The following PDE3A variants were observed in gnomAD, a reference collection of about 807,000 sequenced individuals.
PDE3A encodes phosphodiesterase 3A.
PDE3A carries 43 observed loss-of-function variants against 98.3 expected under a neutral mutation model. That is an observed-to-expected ratio of 0.44 (90% CI 0.34 to 0.56). The LOEUF is 0.56. Among genes scored for constraint, PDE3A ranks in the 20% least tolerant of loss-of-function variants. The pLI is 0.01. For synonymous variants in PDE3A, 663 were observed against 567.9 expected, an observed-to-expected ratio of 1.17 and a Z score of -2.38; for missense variants, 1,427 against 1,440.7, an observed-to-expected ratio of 0.99 and a Z score of 0.15.
At chr12:20,491,098 TTTCTA>T (rs1945817837) in intron 1 of PDE3A, among the ~76,000 whole-genome samples, 1 of 152,182 alleles carries the variant, frequency 6.6e-6, no homozygotes, top group South Asian at 2.1e-4. Flanking sequence ...CTTTAATACT[TTTCTA>T]TTCAAGAATT....
chr12:20,636,850 A>G (rs1000433335), intron 8 of PDE3A, among the ~76,000 whole-genome samples: 2 of 152,230 alleles, frequency 1.3e-5, no homozygotes, highest in African/African-American at 4.8e-5. Flanking sequence ...TGGAGTGTAT[A>G]TGGACCAGTG....
intron 2 of PDE3A, among the ~76,000 whole-genome samples, chr12:20,560,268 A>T (rs1942480355): frequency 6.6e-6 from 1 of 152,202 alleles, no homozygotes; most frequent in Non-Finnish European, 1.5e-5. Context: ...AAAACAGAAT[A>T]AAAGTCTGAT....
At chr12:20,604,207 AGAGGGGAGGG>A (rs1246461443) in intron 2 of PDE3A, among the ~76,000 whole-genome samples, 3 of 143,948 alleles carry the variant, frequency 2.1e-5, no homozygotes, top group Non-Finnish European at 3.0e-5. Context: ...AGAGGAGAGA[AGAGGGGAGGG>A]GAGGAGAGGG....
intron 1 of PDE3A, among the ~76,000 whole-genome samples, chr12:20,468,982 C>A (rs1344215185): frequency 6.6e-6 from 1 of 152,182 alleles, no homozygotes; most frequent in Non-Finnish European, 1.5e-5. Flanking sequence ...TATCTGAGCC[C>A]TCACAATTCC....
intron 6 of PDE3A, 62 bp from the exon 7 acceptor site, chr12:20,633,631 T>C (rs909838592): frequency 2.0e-5 from 16 of 786,220 alleles, no homozygotes; most frequent in Non-Finnish European, 4.2e-6. Context: ...ACATAGATGG[T>C]ATGTGCCTAT....
At chr12:20,647,580 G>A (rs1453799714) in intron 12 of PDE3A, among the ~76,000 whole-genome samples, 4 of 152,020 alleles carry the variant, frequency 2.6e-5, no homozygotes, top group Non-Finnish European at 4.4e-5. Flanking sequence ...TTAATTAGCT[G>A]AACCCAAGTT....
chr12:20,453,991 A>G (rs1193246969), intron 1 of PDE3A, among the ~76,000 whole-genome samples: 2 of 152,126 alleles, frequency 1.3e-5, no homozygotes, highest in Non-Finnish European at 2.9e-5. Flanking sequence ...CAATCTTGCA[A>G]TTGCCCCAAC....
intron 1 of PDE3A, among the ~76,000 whole-genome samples, chr12:20,447,091 C>G (rs573469584): frequency 6.4e-4 from 98 of 152,228 alleles, no homozygotes; most frequent in African/African-American, 2.2e-3. Flanking sequence ...CATCATTTCA[C>G]TTGCTCTTCA....
At chr12:20,431,517 G>T (rs1944696374) in intron 1 of PDE3A, among the ~76,000 whole-genome samples, 1 of 151,944 alleles carries the variant, frequency 6.6e-6, no homozygotes, top group Non-Finnish European at 1.5e-5. Context: ...TTAAGTTATT[G>T]TCAGGATTAA....
intron 1 of PDE3A, among the ~76,000 whole-genome samples, chr12:20,493,716 C>T (rs747568695): frequency 6.6e-6 from 1 of 152,266 alleles, no homozygotes; most frequent in South Asian, 2.1e-4. Context: ...CCGCAGCCTC[C>T]GACTCCCAGG....
intron 1 of PDE3A, among the ~76,000 whole-genome samples, chr12:20,377,444 T>C (rs150783114): frequency 1.6e-3 from 240 of 151,942 alleles, no homozygotes; most frequent in Non-Finnish European, 1.3e-3. Context: ...GTTTTACACT[T>C]AAAGCACATT....
chr12:20,650,083 A>T (rs1434812094), intron 13 of PDE3A, among the ~76,000 whole-genome samples: 1 of 152,188 alleles, frequency 6.6e-6, no homozygotes, highest in Non-Finnish European at 1.5e-5. Flanking sequence ...ATAATGTATA[A>T]TAATCACAAC....
Position 20,654,099 on chromosome 12 carries a change from G to A in PDE3A, c.3078G>A (p.Trp1026Ter). 6.2e-7 allele frequency: 1 copy of A among 1,614,130 alleles called. No homozygotes were observed. The highest frequency in any genetic ancestry group is 8.5e-7 in the Non-Finnish European group (1 of 1,180,008). Residue 1026 changes from tryptophan (W) to a stop codon, truncating the protein, a stop_gained, in exon 15 of 16, where the codon TGG becomes TGA. Transcript: ENST00000359062. LOFTEE classifies it high-confidence loss of function. ...YDSAGLMPGK[W>*]VEDSDESGDT... The stretch of plus-strand genomic sequence containing the variant: ...CAGCAGGACTAATGCCTGGAAAATG[G>A]GTGGAAGACAGCGATGAGTCAGGAG...
At chr12:20,619,827 G>T (rs1458772728) in intron 4 of PDE3A, among the ~76,000 whole-genome samples, 2 of 151,936 alleles carry the variant, frequency 1.3e-5, no homozygotes, top group Non-Finnish European at 2.9e-5. Flanking sequence ...AAATACCTGG[G>T]TCAGTAGTTG....
At chr12:20,507,270 G>C (rs1019385271) in intron 1 of PDE3A, among the ~76,000 whole-genome samples, 2 of 151,988 alleles carry the variant, frequency 1.3e-5, no homozygotes, top group African/African-American at 4.8e-5. Flanking sequence ...AAGGAAGTTG[G>C]TTAGCCACAG....
At chr12:20,574,779 G>C (rs1248048867) in intron 2 of PDE3A, among the ~76,000 whole-genome samples, 1 of 151,950 alleles carries the variant, frequency 6.6e-6, no homozygotes, top group Non-Finnish European at 1.5e-5. Flanking sequence ...TTGTCTCACT[G>C]TCCCTAATAT....
At chr12:20,560,988 G>C (rs1172381334) in intron 2 of PDE3A, among the ~76,000 whole-genome samples, 3 of 151,492 alleles carry the variant, frequency 2.0e-5, no homozygotes, top group African/African-American at 7.3e-5. Context: ...AGAGGCCAGG[G>C]GCAGTGGCTC....
chr12:20,563,151 T>C (rs1035299712), intron 2 of PDE3A, among the ~76,000 whole-genome samples: 1 of 152,228 alleles, frequency 6.6e-6, no homozygotes. Context: ...TTTTTGTCTG[T>C]AATTTCAAGG....
chr12:20,534,824 A>G (rs930655368), intron 1 of PDE3A, among the ~76,000 whole-genome samples: 7 of 152,178 alleles, frequency 4.6e-5, no homozygotes, highest in Non-Finnish European at 8.8e-5. Context: ...TTGCATCCTC[A>G]TGCAAAAACA....
Sources: allele counts gnomAD v4.1 joint callset (sites outside exome capture counted in the v4.1 genomes callset), GRCh38; gene constraint gnomAD v4.1.1; transcripts MANE v1.5; gene names NCBI Gene and HGNC (gene_info 2026-07-23, HGNC 2026-07-21).